Variants in LMOD2 observed in about 807,000 individuals in gnomAD.
LMOD2 encodes leiomodin 2, also known as leiomodin-2.
Under a neutral mutation model 41.7 loss-of-function variants are expected in LMOD2, and 27 were observed. The observed-to-expected ratio is 0.65, with a 90% CI of 0.48 to 0.89. LMOD2 has a LOEUF of 0.89. Ranked by LOEUF, LMOD2 falls within the 40% of genes least tolerant of loss-of-function variation. The pLI, the probability that LMOD2 is intolerant of heterozygous loss-of-function variation, is 0.00. For synonymous variants in LMOD2, 251 were observed against 244.6 expected (o/e 1.03, Z -0.25); for missense variants, 624 against 667.9 (o/e 0.93, Z 0.72).
chr7:123,660,310 C>CTG (rs1466788215), intron 1 of LMOD2, among the ~76,000 whole-genome samples: 1 of 136,110 alleles, frequency 7.3e-6, no homozygotes, highest in Non-Finnish European at 1.6e-5. Flanking sequence ...CTCTCTCCCT[C>CTG]TCTCTCTCTC....
intron 2 of LMOD2, 127 bp downstream of exon 2, chr7:123,663,330 CA>C (rs1802921806): frequency 8.5e-7 from 1 of 1,177,166 alleles, no homozygotes; most frequent in Non-Finnish European, 1.2e-6. Context: ...TATGCGAGAG[CA>C]AACACACCAA....
At chr7:123,657,063 G>A (rs1016574651) in intron 1 of LMOD2, among the ~76,000 whole-genome samples, 3 of 152,134 alleles carry the variant, frequency 2.0e-5, no homozygotes, top group African/African-American at 7.2e-5. Flanking sequence ...TCTCCTTTAC[G>A]ATGGTGATCC....
intron 1 of LMOD2, among the ~76,000 whole-genome samples, chr7:123,660,304 CTCCCT>C (rs1460063104): frequency 1.2e-4 from 17 of 141,156 alleles, no homozygotes; most frequent in Non-Finnish European, 2.0e-4. Flanking sequence ...CTCTCTCTCT[CTCCCT>C]CTCTCTCTCT....
At chr7:123,661,791 C>A in intron 1 of LMOD2, 69 bp from the exon 2 acceptor site, 1 of 1,054,206 alleles carries the variant, frequency 9.5e-7, no homozygotes, top group Non-Finnish European at 1.3e-6. Flanking sequence ...GCTACTTTTG[C>A]AAGTTAAAAA....
chr7:123,657,694 G>A (rs1802809846), intron 1 of LMOD2, among the ~76,000 whole-genome samples: 1 of 151,830 alleles, frequency 6.6e-6, no homozygotes, highest in Non-Finnish European at 1.5e-5. Flanking sequence ...AAAACTGGCT[G>A]GGTATGCTGG....
chr7:123,662,956 G>C lies in LMOD2; in HGVS notation c.1370G>C (p.Arg457Thr). The C allele has an allele frequency of 1.9e-6, 3 of 1,549,462 alleles. No individual in the cohort carries two copies. The highest frequency in any genetic ancestry group is 2.6e-6 in the Non-Finnish European group (3 of 1,147,354). The change falls in exon 2 of 3, where the codon AGA becomes ACA. Residue 457 changes from arginine to threonine, a missense_variant. By Grantham distance (71) the Arg-to-Thr change is moderately conservative. Transcript: ENST00000458573. This position sits in a 1 kb window ranked among gnomAD's most constrained non-coding sequence, Gnocchi z 4.0. ...PPLPEKKLIT[R>T]NIAEVIKQQE... ...CTCCCAGAGAAAAAGCTCATTACCA[G>C]AAACATTGCAGAAGTCATCAAACAA...
chr7:123,659,975 C>T (rs962514221), intron 1 of LMOD2, among the ~76,000 whole-genome samples: 2 of 152,056 alleles, frequency 1.3e-5, no homozygotes, highest in Admixed American at 6.5e-5. Context: ...CATACAAGGC[C>T]GTATACCTTG....
chr7:123,655,934 G>A lies in LMOD2; in HGVS notation c.-30G>A, dbSNP rs998595855. On this transcript the variant is annotated 5_prime_UTR_variant, in exon 1 of 3. Coordinates refer to ENST00000458573, the MANE Select transcript of LMOD2 (RefSeq NM_207163.3). ...CCGCCTTGAATGCCTGGTCCTTCAA[G>A]CTCCTTCTGGGTCTGACAAAGCAGG... 7.0e-6 allele frequency: 11 copies of A among 1,574,208 alleles called. No homozygotes were observed. Among genetic ancestry groups the A allele is most frequent in the Non-Finnish European group, 9.5e-6 (11 of 1,161,800 alleles).
In LMOD2 at chr7:123,656,140, C is replaced by T; in HGVS notation, c.177C>T (p.Thr59=). Residue 59 remains threonine (T), a synonymous_variant, in exon 1 of 3, where the codon ACC becomes ACT. Transcript: ENST00000458573. ...GGCAAAAGAGCCTGACAGAGAAAAC[C>T]CCCACAGGGACATTCAGCAGAGAGG... ...GLRQKSLTEK[T]PTGTFSREAL... The T allele has an allele frequency of 1.2e-6, 2 of 1,609,854 alleles. No individual in the cohort carries two copies. The highest frequency in any genetic ancestry group is 4.5e-5 in the East Asian group (2 of 44,696).
rs1286756257 is a variant in LMOD2, at chr7:123,662,849, T to TCCTCCTCCTCCC, written c.1275_1286dup (p.Pro430_Pro433dup). The TCCTCCTCCTCCC allele has an allele frequency of 2.5e-6, 4 of 1,588,650 alleles. No individual in the cohort carries two copies. Among genetic ancestry groups the TCCTCCTCCTCCC allele is most frequent in the African/African-American group, 1.4e-5 (1 of 72,310 alleles). ...GTCCTCTGTCTCCTGTGGCCACACCTCCTCCTCCTCCCCCTCCTCCTCCTC... is the reference window on the plus strand; with the variant it reads ...GTCCTCTGTCTCCTGTGGCCACACCTCCTCCTCCTCCCCCTCCTCCTCCCCCTCCTCCTCCTC... On this transcript the variant is annotated inframe_insertion, in exon 2 of 3. Coordinates refer to ENST00000458573, the MANE Select transcript of LMOD2 (RefSeq NM_207163.3). This position sits in a 1 kb window ranked among gnomAD's most constrained non-coding sequence, Gnocchi z 4.0.
At position 123,662,344 on chromosome 7, in the gene LMOD2, A is replaced by G. The variant is rs772660586; in HGVS notation, c.758A>G (p.Asp253Gly). Residue 253 changes from aspartate to glycine, a missense_variant, in exon 2 of 3, where the codon GAC becomes GGC. Physicochemically the swap from Asp to Gly is moderately conservative, Grantham distance 94. Coordinates refer to ENST00000458573, the MANE Select transcript of LMOD2 (RefSeq NM_207163.3). This position sits in a 1 kb window ranked among gnomAD's most constrained non-coding sequence, Gnocchi z 4.0. ...KTFSLANTHADDSAAMAIAEM... is the reference protein window; with the variant it reads ...KTFSLANTHAGDSAAMAIAEM... ...TTCAGTCTGGCCAACACGCATGCCG[A>G]CGACAGTGCAGCCATGGCCATTGCA... The G allele has an allele frequency of 6.2e-7, 1 of 1,614,006 alleles. No individual in the cohort carries two copies. Among genetic ancestry groups the G allele is most frequent in the Non-Finnish European group, 8.5e-7 (1 of 1,179,886 alleles).
chr7:123,661,248 G>A (rs1052175652), intron 1 of LMOD2, among the ~76,000 whole-genome samples: 1 of 152,232 alleles, frequency 6.6e-6, no homozygotes, highest in African/African-American at 2.4e-5. Context: ...CGTAGAAGCA[G>A]ATAAATAAAT....
In LMOD2 at chr7:123,663,175, G is replaced by A. The variant is rs762463208; in HGVS notation, c.1589G>A (p.Arg530Gln). ...CATGAGAATCTCATGGAAGCAATTC[G>A]GGGAAGCAGCATAAAACAGCTAAAG... is the stretch of plus-strand genomic sequence containing the variant. Reference protein sequence around the residue: ...SAHENLMEAIRGSSIKQLKRV... With the variant: ...SAHENLMEAIQGSSIKQLKRV... The change falls in exon 2 of 3, where the codon CGG becomes CAG. Residue 530 changes from arginine (R) to glutamine (Q), a missense_variant. Arg to Gln is a conservative substitution (Grantham distance 43, BLOSUM62 1). Coordinates refer to ENST00000458573, the MANE Select transcript of LMOD2 (RefSeq NM_207163.3). The A allele has an allele frequency of 3.2e-6, 5 of 1,569,720 alleles. No individual in the cohort carries two copies. The African/African-American group carries it at 4.1e-5, about 13-fold the overall frequency.
chr7:123,657,136 T>G (rs557097333), intron 1 of LMOD2, among the ~76,000 whole-genome samples: 168 of 152,238 alleles, frequency 1.1e-3, no homozygotes, highest in African/African-American at 3.9e-3. Context: ...TACTGCCCAG[T>G]AAACAGTTAT....
rs1236401525 is a variant in LMOD2, at chr7:123,661,871, CA to C, written c.288del (p.Glu97ArgfsTer55). 1 of 1,519,342 alleles carries C rather than the reference CA, an allele frequency of 6.6e-7. No homozygotes were observed. Among genetic ancestry groups the C allele is most frequent in the East Asian group, 2.5e-5 (1 of 40,618 alleles). The allele number at this position is 1,519,342 out of a possible 1,614,324, so 94.1% of individuals were successfully genotyped here. ...ATCATACTCTTTAGGTTGCAGAAGA[CA>C]AAGAGGAAAGTGAAGAAGAGCTTAT... Reference protein sequence around the residue: ...LGECGKVAEDKEESEEELIFT... With the variant: ...LGECGKVAEDXEESEEELIFT... On this transcript the variant is annotated frameshift_variant, in exon 2 of 3. Coordinates refer to ENST00000458573, the MANE Select transcript of LMOD2 (RefSeq NM_207163.3). LOFTEE classifies it high-confidence loss of function.
intron 1 of LMOD2, among the ~76,000 whole-genome samples, chr7:123,658,106 G>A (rs71546737): frequency 0.15 from 22,036 of 151,892 alleles, 1,942 homozygotes; most frequent in African/African-American, 0.22. Flanking sequence ...GATAGTGGTG[G>A]GAACCAAAGA....
chr7:123,661,302 C>G (rs1219559151), intron 1 of LMOD2, among the ~76,000 whole-genome samples: 1 of 152,184 alleles, frequency 6.6e-6, no homozygotes, highest in Non-Finnish European at 1.5e-5. Flanking sequence ...TACACTGAGG[C>G]AAGGCCTGGC....
chr7:123,662,529 G>A lies in LMOD2; in HGVS notation c.943G>A (p.Glu315Lys), dbSNP rs1385722018. ...GAGGCACATCATGGGCAGCCAGGTGGAAATGGAGATTGTCAAGCTGCTGAA... is the reference window on the plus strand; with the variant it reads ...GAGGCACATCATGGGCAGCCAGGTGAAAATGGAGATTGTCAAGCTGCTGAA... The part of the protein sequence containing the change: ...NQRHIMGSQV[E>K]MEIVKLLKEN... Residue 315 changes from glutamate (E) to lysine (K), a missense_variant, in exon 2 of 3, where the codon GAA (glutamate) becomes AAA (lysine). Transcript: ENST00000458573. The surrounding 1 kb of genome is among the most constrained non-coding windows in gnomAD (Gnocchi z 4.0). The A allele has an allele frequency of 8.7e-6, 14 of 1,613,672 alleles. No homozygotes were observed. Among genetic ancestry groups the A allele is most frequent in the Non-Finnish European group, 1.2e-5 (14 of 1,179,842 alleles).
Position 123,661,866 on chromosome 7 carries a change from G to A in LMOD2, c.280G>A (p.Glu94Lys). ...ERLGECGKVA[E>K]DKEESEEELI... ...ATGATATCATACTCTTTAGGTTGCA[G>A]AAGACAAAGAGGAAAGTGAAGAAGA... is the stretch of plus-strand genomic sequence containing the variant. Residue 94 changes from glutamate to lysine, a missense_variant, in exon 2 of 3, where the codon GAA (glutamate) becomes AAA (lysine). Transcript: ENST00000458573. 6.6e-7 allele frequency: 1 copy of A among 1,514,292 alleles called. No homozygotes were observed. The highest frequency in any genetic ancestry group is 8.8e-7 in the Non-Finnish European group (1 of 1,130,630). The allele number at this position is 1,514,292 out of a possible 1,614,324, so 93.8% of individuals were successfully genotyped here.
Sources: allele counts gnomAD v4.1 joint callset (sites outside exome capture counted in the v4.1 genomes callset), GRCh38; gene constraint gnomAD v4.1.1; non-coding constraint Gnocchi (gnomAD v3.1); transcripts MANE v1.5; gene names NCBI Gene and HGNC (gene_info 2026-07-23, HGNC 2026-07-21).